COX15: variants seen among roughly 807,000 people sequenced by gnomAD.
The protein encoded by COX15 is heme A synthase COX15.
In COX15, 51 loss-of-function variants were observed where a neutral mutation model predicts 51.9. The ratio of observed to expected loss-of-function variants is 0.98; its 90% CI spans 0.78 to 1.24. The LOEUF is 1.24. Ranked by LOEUF, COX15 falls within the 50% of genes most tolerant of loss-of-function variation. The probability of loss-of-function intolerance (pLI) is 0.00; values close to 1 mark genes in which losing one functional copy is unlikely to be tolerated. For synonymous variants in COX15, 188 were observed against 190.5 expected (o/e 0.99, Z 0.11); for missense variants, 420 against 501.1 (o/e 0.84, Z 1.55).
chr10:99,722,658 C>A (rs1037094262), intron 5 of COX15, among the ~76,000 whole-genome samples: 42 of 152,034 alleles, frequency 2.8e-4, no homozygotes, highest in African/African-American at 1.0e-3. Context: ...CATGGTGAAA[C>A]CCTGTCTCTA....
At chr10:99,699,909 C>T in the COX15 span, among the ~76,000 whole-genome samples, 6 of 152,060 alleles carry the variant, frequency 3.9e-5, no homozygotes, top group African/African-American at 1.4e-4. Context: ...TCCTTCTTCC[C>T]TGCCTACCTT....
At chr10:99,696,722 T>C in the COX15 span, among the ~76,000 whole-genome samples, 4 of 152,244 alleles carry the variant, frequency 2.6e-5, no homozygotes, top group African/African-American at 9.6e-5. Context: ...CTTTTTTGTT[T>C]TTTAAGTCTG....
chr10:99,729,716 GGCGC>G lies in COX15; in HGVS notation c.105_108del (p.Arg35SerfsTer3). 1 of 1,614,114 alleles carries G rather than the reference GGCGC, an allele frequency of 6.2e-7. No individual in the cohort carries two copies. Among genetic ancestry groups the G allele is most frequent in the Non-Finnish European group, 8.5e-7 (1 of 1,180,034 alleles). ...GTGCTGTATTGCCCTGGCCTCAAAG[GGCGC>G]CTGATGCAATCACACTAAAGATCAA... On this transcript the variant is annotated frameshift_variant, in exon 2 of 9. Transcript: ENST00000016171. LOFTEE classifies it high-confidence loss of function.
the COX15 span, among the ~76,000 whole-genome samples, chr10:99,701,595 AT>A: frequency 1.7e-4 from 26 of 149,478 alleles, no homozygotes; most frequent in African/African-American, 2.9e-4. Context: ...GCCAAAAGTG[AT>A]TTTTTTTTTA....
rs2036499998 is a variant in COX15, at chr10:99,714,389, G to A, written c.*198C>T. 1.4e-6 allele frequency: 2 copies of A among 1,404,834 alleles called. No individual in the cohort carries two copies. The highest frequency in any genetic ancestry group is 5.7e-5 in the Admixed American group (2 of 35,254). The allele number at this position is 1,404,834 out of a possible 1,614,324, so 87.0% of individuals were successfully genotyped here. A position where few individuals can be genotyped will look rare whatever the true frequency, so the allele number is the denominator to read the frequency against. ...TTCAACATGAAAAGCAGATTTAAAA[G>A]GGAACATTTAGGGTAACCACACTTA... On this transcript the variant is annotated 3_prime_UTR_variant, in exon 9 of 9. Coordinates refer to ENST00000016171, the MANE Select transcript of COX15 (RefSeq NM_078470.6).
chr10:99,704,852 T>G, the COX15 span: 1 of 645,016 alleles, frequency 1.6e-6, no homozygotes, highest in African/African-American at 1.8e-5. Flanking sequence ...CCAGGTCTTC[T>G]CTGAGAGAAG....
chr10:99,719,030 G>A (rs896641814), intron 6 of COX15, among the ~76,000 whole-genome samples: 3 of 151,996 alleles, frequency 2.0e-5, no homozygotes, highest in African/African-American at 7.2e-5. Context: ...TGTTTCTATT[G>A]TGCGTTATCT....
the COX15 span, chr10:99,704,431 A>G: frequency 3.0e-5 from 48 of 1,613,476 alleles, no homozygotes; most frequent in African/African-American, 6.0e-4. Flanking sequence ...TTCCACCTAC[A>G]AATTCTTAAT....
At chr10:99,723,496 G>A (rs1422440415) in intron 5 of COX15, among the ~76,000 whole-genome samples, 1 of 152,082 alleles carries the variant, frequency 6.6e-6, no homozygotes, top group Non-Finnish European at 1.5e-5. Flanking sequence ...AGGGTGTGGT[G>A]TCTTGGAACC....
chr10:99,727,424 T>C lies in COX15; in HGVS notation c.395+17A>G. The C allele has an allele frequency of 5.6e-6, 9 of 1,612,386 alleles. No individual in the cohort carries two copies. The Middle Eastern group carries it at 4.9e-4, about 89-fold the overall frequency. ...TGGGCCTACTGGGATGTTTACCTAA[T>C]TTTCTCTAATACTTACATTTTAAAT... On this transcript the variant is annotated intron_variant, in intron 3 of 8. Coordinates refer to ENST00000016171, the MANE Select transcript of COX15 (RefSeq NM_078470.6).
rs2036505730 is a variant in COX15, at chr10:99,714,557, C to T, written c.*30G>A. On this transcript the variant is annotated 3_prime_UTR_variant, in exon 9 of 9. Transcript: ENST00000016171. ...TCTCTGAAGAGCTCTCAAAAGCAGTCACAGTCCCAGGAGGCTGGTCCTCTA... is the reference window on the plus strand; with the variant it reads ...TCTCTGAAGAGCTCTCAAAAGCAGTTACAGTCCCAGGAGGCTGGTCCTCTA... 3 of 1,613,752 alleles carry T rather than the reference C, an allele frequency of 1.9e-6. No individual in the cohort carries two copies. Among genetic ancestry groups the T allele is most frequent in the Non-Finnish European group, 2.5e-6 (3 of 1,179,886 alleles).
chr10:99,725,425 G>C (rs2036917381), intron 4 of COX15, among the ~76,000 whole-genome samples: 1 of 152,206 alleles, frequency 6.6e-6, no homozygotes, highest in Admixed American at 6.5e-5. Flanking sequence ...TTCAGTGTTG[G>C]CTTGTTTTTC....
At chr10:99,731,848 A>T (rs2037159038) in intron 1 of COX15, 112 bp downstream of exon 1, 1 of 1,344,582 alleles carries the variant, frequency 7.4e-7, no homozygotes, top group Admixed American at 2.0e-5. Flanking sequence ...ATGCGTTGTG[A>T]GTGCACTGTA....
Position 99,727,057 on chromosome 10 carries a change from G to A in COX15, c.493C>T (p.Leu165=), listed in dbSNP as rs1465632486. 5 of 1,614,076 alleles carry A rather than the reference G, an allele frequency of 3.1e-6. No individual in the cohort carries two copies. The African/African-American group carries it at 6.7e-5, about 22-fold the overall frequency. Residue 165 remains leucine (L), a synonymous_variant, in exon 4 of 9, where the codon CTG becomes TTG. Transcript: ENST00000016171. The stretch of plus-strand genomic sequence containing the variant: ...TTTCTCCAAAAGTAGGCAGCAGGCA[G>A]GATGTACACAAGGCCTACAAGGCGA... ...WGRLVGLVYI[L]PAAYFWRKGW... is the part of the protein sequence containing the mutation.
the COX15 span, among the ~76,000 whole-genome samples, chr10:99,694,545 T>TG: frequency 2.0e-5 from 3 of 150,800 alleles, no homozygotes; most frequent in East Asian, 1.9e-4. Flanking sequence ...TTTGTTTTTT[T>TG]TTTTTTTTGA....
intron 7 of COX15, among the ~76,000 whole-genome samples, chr10:99,718,056 AT>A (rs1213739323): frequency 6.7e-6 from 1 of 148,904 alleles, no homozygotes; most frequent in Non-Finnish European, 1.5e-5. Context: ...TACGTGCAGA[AT>A]TGAGGGAGGT....
intron 2 of COX15, among the ~76,000 whole-genome samples, chr10:99,728,039 G>A (rs1401960309): frequency 2.6e-5 from 4 of 152,190 alleles, no homozygotes; most frequent in Non-Finnish European, 5.9e-5. Flanking sequence ...AATAAGGGAC[G>A]TGGAATGTGA....
the COX15 span, among the ~76,000 whole-genome samples, chr10:99,704,140 T>C: frequency 3.3e-5 from 5 of 152,344 alleles, no homozygotes; most frequent in East Asian, 7.7e-4. Context: ...TTAAGACTTA[T>C]GTTACAGGTG....
chr10:99,723,422 G>A (rs1168721893), intron 5 of COX15, among the ~76,000 whole-genome samples: 5 of 151,966 alleles, frequency 3.3e-5, no homozygotes, highest in African/African-American at 9.7e-5. Context: ...GATTACAGGC[G>A]TGAGCCACCG....
Sources: allele counts gnomAD v4.1 joint callset (sites outside exome capture counted in the v4.1 genomes callset), GRCh38; gene constraint gnomAD v4.1.1; transcripts MANE v1.5; gene names NCBI Gene and HGNC (gene_info 2026-07-23, HGNC 2026-07-21).